The following NME7 variants were observed in gnomAD, a reference collection of about 807,000 sequenced individuals.
The protein encoded by NME7 is nucleoside diphosphate kinase 7.
Under a neutral mutation model 49.1 loss-of-function variants are expected in NME7, and 41 were observed. The ratio of observed to expected loss-of-function variants is 0.83; its 90% confidence interval spans 0.65 to 1.08. The LOEUF is 1.08. Ranked by LOEUF, NME7 falls within the 50% of genes least tolerant of loss-of-function variation. NME7 has a pLI of 0.00. For synonymous variants in NME7, 139 were observed against 150.6 expected, an observed-to-expected ratio of 0.92 and a Z score of 0.56; for missense variants, 423 against 463.4, an observed-to-expected ratio of 0.91 and a Z score of 0.80.
chr1:169,153,622 A>G (rs1658971698), intron 11 of NME7, among the ~76,000 whole-genome samples: 2 of 152,096 alleles, frequency 1.3e-5, no homozygotes, highest in Admixed American at 1.3e-4. Context: ...ATCTGGTAAC[A>G]TTCTCTTATG....
intron 10 of NME7, among the ~76,000 whole-genome samples, chr1:169,195,064 A>C (rs563608690): frequency 5.4e-5 from 7 of 130,086 alleles, no homozygotes; most frequent in Non-Finnish European, 8.8e-5. Context: ...AAGGGCATTC[A>C]AAACATGTTT....
intron 6 of NME7, among the ~76,000 whole-genome samples, chr1:169,296,556 G>C (rs12561922): frequency 2.0e-5 from 3 of 151,734 alleles, no homozygotes; most frequent in African/African-American, 7.3e-5. Flanking sequence ...CCAGTCTCCC[G>C]GCTTTAAATA....
At chr1:169,347,242 A>G (rs778106319) in intron 1 of NME7, among the ~76,000 whole-genome samples, 5 of 152,292 alleles carry the variant, frequency 3.3e-5, no homozygotes, top group East Asian at 3.9e-4. Context: ...CAAAAACAAT[A>G]GGATAAATAG....
chr1:169,170,041 G>A (rs1659535103), intron 10 of NME7, among the ~76,000 whole-genome samples: 1 of 152,142 alleles, frequency 6.6e-6, no homozygotes, highest in Non-Finnish European at 1.5e-5. Flanking sequence ...GACAGGAAGA[G>A]AGGACCTAGG....
At position 169,136,689 on chromosome 1, in the gene NME7, A is replaced by G. The variant is rs115710072; in HGVS notation, c.1099-3872T>C. Among the ~76,000 whole-genome samples, 633 of 152,324 alleles carry G rather than the reference A, an allele frequency of 4.2e-3. 5 individuals carry two copies. The highest frequency in any genetic ancestry group is 0.014 in the African/African-American group (594 of 41,564). ...AACGGATAATGATACTTGACTACCT[A>G]TAAGATTAAGTTGAAGGCTCGTTCT... is the stretch of plus-strand genomic sequence containing the variant. On this transcript the variant is annotated intron_variant, in intron 11 of 11. Coordinates refer to ENST00000367811, the MANE Select transcript of NME7 (RefSeq NM_013330.5).
intron 7 of NME7, among the ~76,000 whole-genome samples, chr1:169,250,294 T>C (rs931725192): frequency 6.6e-6 from 1 of 152,046 alleles, no homozygotes; most frequent in Non-Finnish European, 1.5e-5. Context: ...ATGATCTTTT[T>C]TATTTCTGTG....
intron 10 of NME7, among the ~76,000 whole-genome samples, chr1:169,183,259 G>A (rs1659975120): frequency 6.6e-6 from 1 of 152,100 alleles, no homozygotes; most frequent in Non-Finnish European, 1.5e-5. Flanking sequence ...TTAATCTTCT[G>A]GTGAATATCC....
At chr1:169,179,026 G>A (rs755120648) in intron 10 of NME7, among the ~76,000 whole-genome samples, 3 of 151,972 alleles carry the variant, frequency 2.0e-5, no homozygotes, top group African/African-American at 4.8e-5. Flanking sequence ...TCACCATGTT[G>A]GCCAAACTGG....
intron 10 of NME7, among the ~76,000 whole-genome samples, chr1:169,217,090 T>G (rs1557992344): frequency 6.6e-6 from 1 of 152,100 alleles, no homozygotes; most frequent in Non-Finnish European, 1.5e-5. Flanking sequence ...TATTTGTCAA[T>G]TTTGTCAATA....
chr1:169,305,782 G>A (rs1651150368), intron 4 of NME7, among the ~76,000 whole-genome samples: 1 of 152,092 alleles, frequency 6.6e-6, no homozygotes, highest in South Asian at 2.1e-4. Context: ...TGGAGGCAAG[G>A]AGAACCAATA....
chr1:169,252,638 T>C (rs955321949), intron 7 of NME7, among the ~76,000 whole-genome samples: 6 of 152,344 alleles, frequency 3.9e-5, no homozygotes, highest in South Asian at 2.1e-4. Context: ...TCGTCGCCTA[T>C]GCCTATGTCC....
chr1:169,350,036 CAAA>C (rs1339750186), intron 1 of NME7, among the ~76,000 whole-genome samples: 1 of 151,670 alleles, frequency 6.6e-6, no homozygotes, highest in African/African-American at 2.4e-5. Flanking sequence ...ACTAAAACTA[CAAA>C]AACATAGCGG....
chr1:169,294,374 T>C (rs1187649886), intron 6 of NME7, among the ~76,000 whole-genome samples: 2 of 152,286 alleles, frequency 1.3e-5, no homozygotes, highest in African/African-American at 4.8e-5. Context: ...ATGAAAATAA[T>C]GCTAAATTTT....
intron 7 of NME7, among the ~76,000 whole-genome samples, chr1:169,279,991 C>A (rs966352924): frequency 2.6e-5 from 4 of 152,178 alleles, no homozygotes; most frequent in African/African-American, 9.7e-5. Context: ...AATGGGATTG[C>A]TGGGCCAAAT....
chr1:169,335,881 A>T (rs1652446173), intron 1 of NME7, among the ~76,000 whole-genome samples: 2 of 151,584 alleles, frequency 1.3e-5, no homozygotes, highest in African/African-American at 2.4e-5. Flanking sequence ...GTGAGTGAAA[A>T]GTGGCTTCTA....
intron 7 of NME7, among the ~76,000 whole-genome samples, chr1:169,237,977 G>A (rs1001919027): frequency 1.3e-5 from 2 of 151,820 alleles, no homozygotes; most frequent in Non-Finnish European, 2.9e-5. Context: ...GTGATATAGA[G>A]AACATAAAAA....
At chr1:169,197,791 A>C (rs1010491937) in intron 10 of NME7, among the ~76,000 whole-genome samples, 1 of 152,120 alleles carries the variant, frequency 6.6e-6, no homozygotes, top group Non-Finnish European at 1.5e-5. Flanking sequence ...AACCTTTATG[A>C]TGCTGGCTTT....
intron 10 of NME7, among the ~76,000 whole-genome samples, chr1:169,204,366 A>C (rs1018770941): frequency 6.6e-6 from 1 of 151,308 alleles, no homozygotes; most frequent in African/African-American, 2.4e-5. Flanking sequence ...AGTAACCTTC[A>C]ATGGTTTTTC....
intron 10 of NME7, among the ~76,000 whole-genome samples, chr1:169,180,301 T>C (rs564061165): frequency 5.3e-5 from 8 of 152,238 alleles, no homozygotes; most frequent in South Asian, 2.1e-4. Flanking sequence ...GAGGCACTTA[T>C]ATAGTACTTG....
Sources: allele counts gnomAD v4.1 joint callset (sites outside exome capture counted in the v4.1 genomes callset), GRCh38; gene constraint gnomAD v4.1.1; transcripts MANE v1.5; gene names NCBI Gene and HGNC (gene_info 2026-07-23, HGNC 2026-07-21).